Variants in SI observed in about 807,000 individuals in gnomAD.
SI encodes sucrase-isomaltase, intestinal.
In SI, 235 loss-of-function variants were observed where a neutral mutation model predicts 253.3. That is an observed-to-expected ratio of 0.93 (90% CI 0.83 to 1.03). The LOEUF (loss-of-function observed/expected upper bound fraction) is 1.03. SI is among the 50% of genes least tolerant of loss of function. SI has a pLI of 0.00. For missense variants in SI, 2,442 were observed against 2,211.1 expected (o/e 1.10, Z -2.09); for synonymous variants, 819 against 712.0 (o/e 1.15, Z -2.39).
chr3:165,063,636 C>T (rs1212117410), intron 7 of SI, 95 bp from the exon 8 acceptor site: 3 of 614,142 alleles, frequency 4.9e-6, no homozygotes, highest in Admixed American at 5.2e-5. Context: ...TAATTTGTTG[C>T]TATAATTTAC....
intron 25 of SI, among the ~76,000 whole-genome samples, chr3:165,028,802 G>A (rs770899599): frequency 7.3e-5 from 11 of 151,244 alleles, no homozygotes; most frequent in Non-Finnish European, 1.5e-4. Flanking sequence ...GGTGGATTAA[G>A]GACTTAAATC....
At chr3:164,995,091 T>C (rs1717948993) in intron 40 of SI, among the ~76,000 whole-genome samples, 1 of 151,798 alleles carries the variant, frequency 6.6e-6, no homozygotes, top group Non-Finnish European at 1.5e-5. Flanking sequence ...ACCAGGGGAA[T>C]AAGCAAGGCC....
In SI at chr3:165,049,821, T is replaced by G. The variant is rs780055379; in HGVS notation, c.1567A>C (p.Asn523His). 2.6e-5 allele frequency: 42 copies of G among 1,606,734 alleles called. No homozygotes were observed. The highest frequency in any genetic ancestry group is 3.3e-5 in the Non-Finnish European group (39 of 1,174,180). The change falls in exon 14 of 48, where the codon AAC becomes CAC. Residue 523 changes from asparagine to histidine, a missense_variant. Asn to His is a moderately conservative substitution (Grantham distance 68). Transcript: ENST00000264382. ...IQGSTKGCNV[N>H]KLNYPPFTPD... ...GTAAACGGTGGATAATTCAATTTGTTTACATTACATCCTTTTGTTGAACCT... is the reference window on the plus strand; with the variant it reads ...GTAAACGGTGGATAATTCAATTTGTGTACATTACATCCTTTTGTTGAACCT...
At chr3:165,017,462 C>T (rs1719092412) in intron 31 of SI, 86 bp downstream of exon 31, 7 of 1,357,778 alleles carry the variant, frequency 5.2e-6, no homozygotes, top group Non-Finnish European at 7.2e-6. Flanking sequence ...TTACCAGCTG[C>T]TTAAATTAAA....
At position 165,006,813 on chromosome 3, in the gene SI, T is replaced by C; in HGVS notation, c.4406+3A>G. The C allele has an allele frequency of 1.2e-6, 2 of 1,611,476 alleles. No homozygotes were observed. The highest frequency in any genetic ancestry group is 1.7e-6 in the Non-Finnish European group (2 of 1,177,992). ...AGAGAGGATAATTCAGAACATTGCT[T>C]ACTCATGAGTAGGTTTCATCTGTGA... On this transcript the variant is annotated splice_donor_region_variant and intron_variant, in intron 37 of 47. Coordinates refer to ENST00000264382, the MANE Select transcript of SI (RefSeq NM_001041.4).
intron 47 of SI, among the ~76,000 whole-genome samples, chr3:164,981,771 A>G: frequency 6.6e-6 from 1 of 152,168 alleles, no homozygotes; most frequent in East Asian, 1.9e-4. Flanking sequence ...AAAGAGCTAA[A>G]TACTGGCAGC....
rs541187565 is a variant in SI, at chr3:164,989,162, A to G, written c.5109-1936T>C. 4.6e-4 allele frequency among the ~76,000 whole-genome samples: 69 copies of G among 150,888 alleles called. No homozygotes were observed. The South Asian group carries it at 0.013, about 28-fold the overall frequency. ...GGAGTTCCAGACCAGCCTGGCCAAC[A>G]TGATGAAACTCCGTCTCTACTAAAA... On this transcript the variant is annotated intron_variant, in intron 44 of 47. Coordinates refer to ENST00000264382, the MANE Select transcript of SI (RefSeq NM_001041.4).
intron 2 of SI, among the ~76,000 whole-genome samples, chr3:165,075,625 C>T (rs1415028417): frequency 6.6e-6 from 1 of 151,934 alleles, no homozygotes; most frequent in African/African-American, 2.4e-5. Context: ...CTTACATTAA[C>T]GATTTGATCC....
chr3:165,030,888 A>AG lies in SI; in HGVS notation c.2737-22_2737-21insC, dbSNP rs781428796. On this transcript the variant is annotated intron_variant, in intron 24 of 47. Coordinates refer to ENST00000264382, the MANE Select transcript of SI (RefSeq NM_001041.4). ...AGAACCTTTGAAGACAAAAAAAAAA[A>AG]AAGAAAAAAAGAAAAAAAAAACACA... 3 of 1,523,986 alleles carry AG rather than the reference A, an allele frequency of 2.0e-6. No individual in the cohort carries two copies. The Admixed American group carries it at 6.5e-5, about 33-fold the overall frequency. 94.4% of individuals were successfully genotyped at this position (1,523,986 alleles called of 1,614,324 possible).
chr3:165,043,665 C>A (rs1712970247), intron 16 of SI, among the ~76,000 whole-genome samples: 1 of 152,008 alleles, frequency 6.6e-6, no homozygotes, highest in Non-Finnish European at 1.5e-5. Context: ...TGTAAGACTG[C>A]ATTATCCTTA....
At chr3:165,071,568 A>G (rs1714580884) in intron 3 of SI, among the ~76,000 whole-genome samples, 1 of 151,882 alleles carries the variant, frequency 6.6e-6, no homozygotes, top group Non-Finnish European at 1.5e-5. Context: ...TATTCACTGT[A>G]TTATGCCCCC....
intron 45 of SI, among the ~76,000 whole-genome samples, chr3:164,986,130 C>T (rs976374865): frequency 2.0e-5 from 3 of 152,104 alleles, no homozygotes; most frequent in Non-Finnish European, 4.4e-5. Flanking sequence ...GTTGTAGAGG[C>T]ACCACTTGTA....
chr3:164,991,284 C>G, intron 44 of SI, 69 bp downstream of exon 44: 4 of 1,578,548 alleles, frequency 2.5e-6, no homozygotes, highest in Non-Finnish European at 3.5e-6. Context: ...CAAACCCTTT[C>G]TATTTCTTAA....
Position 165,017,619 on chromosome 3 carries a change from G to T in SI, c.3688C>A (p.Arg1230Ser), listed in dbSNP as rs560337003. 1.7e-5 allele frequency: 28 copies of T among 1,612,300 alleles called. No homozygotes were observed. Among genetic ancestry groups the T allele is most frequent in the Admixed American group, 8.4e-5 (5 of 59,878 alleles). Residue 1230 changes from arginine to serine, a missense_variant, in exon 31 of 48, where the codon CGT (arginine) becomes AGT (serine). Physicochemically the swap from Arg to Ser is moderately radical, Grantham distance 110 (BLOSUM62 -1). Transcript: ENST00000264382. ...AYWALGFQLCRYGYANTSEVR... is the reference protein window; with the variant it reads ...AYWALGFQLCSYGYANTSEVR... ...TCTGAAGTATTTGCATATCCATAAC[G>T]ACATAATTGGAATCCCAAAGCCCAA...
intron 32 of SI, 27 bp from the exon 33 acceptor site, chr3:165,015,260 G>T (rs1206859052): frequency 2.0e-6 from 3 of 1,525,978 alleles, no homozygotes; most frequent in East Asian, 2.3e-5. Context: ...ATATAAACAA[G>T]GTACACATGA....
Position 164,992,200 on chromosome 3 carries a change from C to A in SI, c.4960G>T (p.Ala1654Ser). The A allele has an allele frequency of 6.2e-7, 1 of 1,611,772 alleles. No individual in the cohort carries two copies. Among genetic ancestry groups the A allele is most frequent in the Non-Finnish European group, 8.5e-7 (1 of 1,179,244 alleles). ...ACTGTATGGTAGTCAAACCACCGAG[C>A]ATTGGGGACGTAGGCATTTACAGTT... ...VQTVNAYVPN[A>S]RWFDYHTGKD... Residue 1654 changes from alanine (A) to serine (S), a missense_variant, in exon 43 of 48, where the codon GCT becomes TCT. By Grantham distance (99) the Ala-to-Ser change is moderately conservative (BLOSUM62 1). Coordinates refer to ENST00000264382, the MANE Select transcript of SI (RefSeq NM_001041.4).
intron 17 of SI, 38 bp downstream of exon 17, chr3:165,043,021 T>C (rs761463263): frequency 8.2e-7 from 1 of 1,222,152 alleles, no homozygotes; most frequent in South Asian, 1.2e-5. Context: ...ACTATGGTTG[T>C]TTTTTATTTC....
chr3:165,037,536 G>A (rs974945366), intron 21 of SI, among the ~76,000 whole-genome samples: 1 of 151,980 alleles, frequency 6.6e-6, no homozygotes, highest in South Asian at 2.1e-4. Context: ...TGGGATTTAT[G>A]TATGTATGGA....
chr3:165,016,266 T>C (rs1450536326), intron 31 of SI, among the ~76,000 whole-genome samples, 186 bp from the exon 32 acceptor site: 1 of 152,070 alleles, frequency 6.6e-6, no homozygotes. Context: ...TAAAGTATTC[T>C]AAGAACAACT....
Sources: gnomAD v4.1 joint callset for allele counts (sites outside exome capture counted in the v4.1 genomes callset) on GRCh38, gnomAD v4.1.1 for gene constraint, MANE v1.5 for transcripts, NCBI Gene and HGNC (gene_info 2026-07-23, HGNC 2026-07-21) for gene names.